PARVB: variants seen among roughly 807,000 people sequenced by gnomAD.
PARVB encodes parvin beta.
PARVB carries 46 observed loss-of-function variants against 47.0 expected under a neutral mutation model. The ratio of observed to expected loss-of-function variants is 0.98; its 90% CI spans 0.77 to 1.25. PARVB has a LOEUF of 1.25. Ranked by LOEUF, PARVB falls within the 50% of genes most tolerant of loss-of-function variation. The pLI, the probability that PARVB is intolerant of heterozygous loss-of-function variation, is 0.00. For missense variants in PARVB, 473 were observed against 471.6 expected (o/e 1.00, Z -0.03); for synonymous variants, 196 against 196.3 (o/e 1.00, Z 0.01).
intron 1 of PARVB, among the ~76,000 whole-genome samples, chr22:44,091,575 T>A (rs2052168694): frequency 6.6e-6 from 1 of 152,198 alleles, no homozygotes; most frequent in African/African-American, 2.4e-5. Context: ...TTGTACAGTG[T>A]TTGACTTTCT....
At chr22:44,112,065 AG>A (rs1286038853) in intron 3 of PARVB, 2 of 152,176 alleles carry the variant, frequency 1.3e-5, no homozygotes, top group Admixed American at 1.3e-4. Context: ...AAGACCAAAA[AG>A]GGTAGTTAGG....
At chr22:44,118,849 C>T (rs2052974194) in intron 3 of PARVB, among the ~76,000 whole-genome samples, 189 bp from the exon 4 acceptor site, 2 of 151,632 alleles carry the variant, frequency 1.3e-5, no homozygotes, top group South Asian at 2.1e-4. Context: ...CTGTGCTTGC[C>T]CTGTCCTTGT....
At chr22:44,162,061 C>T (rs1156576483) in intron 11 of PARVB, among the ~76,000 whole-genome samples, 4 of 152,212 alleles carry the variant, frequency 2.6e-5, no homozygotes, top group African/African-American at 9.6e-5. Context: ...CCCACTGACC[C>T]TATGACTAGC....
At chr22:44,051,403 G>A (rs983733794) in intron 1 of PARVB, among the ~76,000 whole-genome samples, 6 of 152,126 alleles carry the variant, frequency 3.9e-5, no homozygotes, top group Admixed American at 3.3e-4. Context: ...TGTGGCTGGC[G>A]CCTGGCTGGC....
intron 10 of PARVB, chr22:44,153,196 C>A (rs1327051419): frequency 1.3e-5 from 2 of 152,236 alleles, no homozygotes; most frequent in African/African-American, 2.4e-5. Context: ...GACGTTAGCA[C>A]CCCAGAAGCC....
At chr22:44,024,300 C>G (rs1416743243), upstream of PARVB, 1 of 989,722 alleles carries the variant, frequency 1.0e-6, no homozygotes, top group African/African-American at 1.8e-5. Flanking sequence ...CCGGGCGGCT[C>G]CACACGCGCT....
At chr22:44,123,813 G>A (rs1433027280) in intron 4 of PARVB, among the ~76,000 whole-genome samples, 1 of 152,226 alleles carries the variant, frequency 6.6e-6, no homozygotes, top group East Asian at 1.9e-4. Flanking sequence ...TTATAGGCAT[G>A]AGCCACTGCG....
chr22:44,030,995 A>G (rs921331670), intron 1 of PARVB, among the ~76,000 whole-genome samples: 1 of 152,148 alleles, frequency 6.6e-6, no homozygotes, highest in African/African-American at 2.4e-5. Context: ...TGTGGTTTCT[A>G]TGGGGAAGAG....
chr22:44,138,482 T>A (rs940416951), intron 7 of PARVB, among the ~76,000 whole-genome samples: 1 of 151,998 alleles, frequency 6.6e-6, no homozygotes, highest in Non-Finnish European at 1.5e-5. Context: ...CCCAGGTAGG[T>A]TCTCCTCAGG....
chr22:44,153,920 C>T (rs1389459203), intron 10 of PARVB, among the ~76,000 whole-genome samples: 2 of 152,200 alleles, frequency 1.3e-5, no homozygotes, highest in Non-Finnish European at 2.9e-5. Context: ...CAGCTTTGTG[C>T]ACGGCTGTCT....
intron 1 of PARVB, among the ~76,000 whole-genome samples, chr22:44,031,712 C>T (rs568651867): frequency 1.3e-5 from 2 of 151,970 alleles, no homozygotes; most frequent in Non-Finnish European, 2.9e-5. Context: ...GATTGCACAT[C>T]CTGAAATTGC....
chr22:44,041,845 A>G (rs1403126749), intron 1 of PARVB, among the ~76,000 whole-genome samples: 1 of 152,176 alleles, frequency 6.6e-6, no homozygotes, highest in Non-Finnish European at 1.5e-5. Flanking sequence ...AGATTGCACC[A>G]CTACATTCCA....
At chr22:44,086,259 G>A (rs2052022009) in intron 1 of PARVB, among the ~76,000 whole-genome samples, 1 of 152,222 alleles carries the variant, frequency 6.6e-6, no homozygotes, top group African/African-American at 2.4e-5. Flanking sequence ...AACTACATCT[G>A]CCACTTGAAA....
At chr22:44,021,234 C>T (rs1419516975), upstream of PARVB, among the ~76,000 whole-genome samples, 1 of 152,188 alleles carries the variant, frequency 6.6e-6, no homozygotes, top group African/African-American at 2.4e-5. Flanking sequence ...GCATTTCTTC[C>T]TCCTGGGCGG....
Position 44,093,967 on chromosome 22 carries a change from C to T in PARVB, c.152C>T (p.Ser51Leu). The T allele has an allele frequency of 6.2e-7, 1 of 1,613,790 alleles. No homozygotes were observed. The highest frequency in any genetic ancestry group is 1.3e-5 in the African/African-American group (1 of 75,056). ...GAAGAAGGCAAGAATGCCATCAACT[C>T]ACCGATGTCCCCCGCCCTGGTGGAT... ...LQEEGKNAIN[S>L]PMSPALVDVH... Residue 51 changes from serine (S) to leucine (L), a missense_variant, in exon 2 of 13, where the codon TCA becomes TTA. Ser to Leu is a moderately radical substitution (Grantham distance 145). Transcript: ENST00000338758.
At chr22:44,136,665 T>C in intron 7 of PARVB, 147 bp downstream of exon 7, 1 of 688,554 alleles carries the variant, frequency 1.5e-6, no homozygotes, top group Non-Finnish European at 2.6e-6. Context: ...CTCATGCTGG[T>C]TCCCACCCCA....
chr22:44,158,701 G>A (rs1220955932), intron 11 of PARVB, among the ~76,000 whole-genome samples: 3 of 152,322 alleles, frequency 2.0e-5, no homozygotes, highest in East Asian at 3.9e-4. Context: ...GCCCTCGTGC[G>A]TGGGCCTCTC....
At chr22:44,083,132 A>G (rs1325277293) in intron 1 of PARVB, among the ~76,000 whole-genome samples, 2 of 152,188 alleles carry the variant, frequency 1.3e-5, no homozygotes, top group African/African-American at 2.4e-5. Flanking sequence ...CTTGTGAAAC[A>G]CGACTGCCAG....
In PARVB at chr22:44,167,548, A is replaced by T. The variant is rs2054194764; in HGVS notation, c.1019-1054A>T. On this transcript the variant is annotated intron_variant, in intron 12 of 12. Transcript: ENST00000338758. ...GGAGGTGATGGCCCCCACCCCTGGG[A>T]GCTCCTCTGTCCTTGCTGCCCCCCT... Among the ~76,000 whole-genome samples the T allele has an allele frequency of 4.0e-5, 6 of 151,788 alleles. No homozygotes were observed. The South Asian group carries it at 1.2e-3, about 32-fold the overall frequency.
Sources: gnomAD v4.1 joint callset for allele counts (sites outside exome capture counted in the v4.1 genomes callset) on GRCh38, gnomAD v4.1.1 for gene constraint, MANE v1.5 for transcripts, NCBI Gene and HGNC (gene_info 2026-07-23, HGNC 2026-07-21) for gene names.